DTD1: variants seen among roughly 807,000 people sequenced by gnomAD.
The protein encoded by DTD1 is D-aminoacyl-tRNA deacylase 1, also known as D-tyrosyl-tRNA deacylase 1 homolog.
A neutral mutation model predicts 25.6 loss-of-function variants in DTD1; 13 were observed. That is an observed-to-expected ratio of 0.51 (90% CI 0.33 to 0.81). The LOEUF (loss-of-function observed/expected upper bound fraction) is 0.81. Ranked by LOEUF, DTD1 falls within the 30% of genes least tolerant of loss-of-function variation. The pLI is 0.02. For synonymous variants in DTD1, 110 were observed against 103.6 expected (o/e 1.06, Z -0.37); for missense variants, 193 against 266.4 (o/e 0.72, Z 1.92).
chr20:18,593,086 CTTTT>C (rs35740726), intron 1 of DTD1, among the ~76,000 whole-genome samples: 1 of 145,548 alleles, frequency 6.9e-6, no homozygotes, highest in Non-Finnish European at 1.5e-5. Flanking sequence ...TGCTTAGAGC[CTTTT>C]TTTTTTCAAA....
intron 4 of DTD1, among the ~76,000 whole-genome samples, chr20:18,729,940 A>T (rs1322061026): frequency 1.3e-5 from 2 of 151,300 alleles, no homozygotes; most frequent in Non-Finnish European, 2.9e-5. Flanking sequence ...TGGCCTTTGT[A>T]TTTGAGCCCC....
intron 5 of DTD1, among the ~76,000 whole-genome samples, chr20:18,747,805 G>A (rs373802083): frequency 5.3e-5 from 8 of 150,618 alleles, no homozygotes; most frequent in African/African-American, 1.5e-4. Context: ...GAGGTCAAGA[G>A]ATCGAGACCA....
intron 4 of DTD1, among the ~76,000 whole-genome samples, chr20:18,725,987 G>C (rs563210632): frequency 6.6e-6 from 1 of 152,222 alleles, no homozygotes; most frequent in Non-Finnish European, 1.5e-5. Flanking sequence ...GCTGGGTACT[G>C]TGGTCAGTTC....
At chr20:18,588,343 C>T (rs2122232955) in intron 1 of DTD1, among the ~76,000 whole-genome samples, 2 of 152,170 alleles carry the variant, frequency 1.3e-5, no homozygotes, top group African/African-American at 4.8e-5. Context: ...CCGGCGCGCC[C>T]CTGGCTTCCG....
At chr20:18,712,590 A>G (rs983252683) in intron 4 of DTD1, among the ~76,000 whole-genome samples, 11 of 152,140 alleles carry the variant, frequency 7.2e-5, no homozygotes, top group African/African-American at 2.7e-4. Context: ...AAATCTTAAC[A>G]ATGGAGACAC....
chr20:18,687,382 T>C (rs1199448508), intron 4 of DTD1, among the ~76,000 whole-genome samples: 1 of 152,062 alleles, frequency 6.6e-6, no homozygotes, highest in Non-Finnish European at 1.5e-5. Flanking sequence ...AAATAGCAAG[T>C]TAAGAGGGAT....
At chr20:18,745,695 G>A (rs1215356652) in intron 5 of DTD1, among the ~76,000 whole-genome samples, 1 of 152,160 alleles carries the variant, frequency 6.6e-6, no homozygotes, top group Non-Finnish European at 1.5e-5. Context: ...ATTGCAGAAG[G>A]GTGGGAGTGT....
chr20:18,656,426 TG>T (rs1411379701), intron 4 of DTD1, among the ~76,000 whole-genome samples: 3 of 152,246 alleles, frequency 2.0e-5, no homozygotes, highest in African/African-American at 2.4e-5. Context: ...CTCCTCCATC[TG>T]TTGACTCAGG....
Position 18,648,973 on chromosome 20 carries a change from G to A in DTD1, c.477+20740G>A, listed in dbSNP as rs2060861379. Among the ~76,000 whole-genome samples, 3 of 104,888 alleles carry A rather than the reference G, an allele frequency of 2.9e-5. No homozygotes were observed. In the South Asian group the frequency reaches 9.2e-4, roughly 32 times the overall value. The allele number at this position is 104,888 out of a possible 152,430, so 68.8% of individuals were successfully genotyped here. A position where few individuals can be genotyped will look rare whatever the true frequency, so the allele number is the denominator to read the frequency against. On this transcript the variant is annotated intron_variant, in intron 4 of 5. Coordinates refer to ENST00000377452, the MANE Select transcript of DTD1 (RefSeq NM_080820.6). ...ATCGCGCCACTGCACTCCAGCCTGG[G>A]CAACAGAGAAAGACTCCATCTCAAA...
chr20:18,680,732 A>G (rs974958585), intron 4 of DTD1, among the ~76,000 whole-genome samples: 6 of 152,030 alleles, frequency 3.9e-5, no homozygotes, highest in African/African-American at 9.7e-5. Context: ...CCACACAGCT[A>G]TTTTCTTACT....
intron 4 of DTD1, among the ~76,000 whole-genome samples, chr20:18,632,918 C>T (rs752587712): frequency 6.6e-6 from 1 of 151,934 alleles, no homozygotes; most frequent in Non-Finnish European, 1.5e-5. Flanking sequence ...ATGTAAGCAC[C>T]AAGTGTCGTT....
chr20:18,688,666 T>C (rs2061027871), intron 4 of DTD1, among the ~76,000 whole-genome samples: 1 of 152,138 alleles, frequency 6.6e-6, no homozygotes, highest in South Asian at 2.1e-4. Flanking sequence ...CTTTCTATAC[T>C]AGATTGCCAA....
chr20:18,711,199 C>A (rs1330164810), intron 4 of DTD1, among the ~76,000 whole-genome samples: 2 of 152,160 alleles, frequency 1.3e-5, no homozygotes, highest in African/African-American at 4.8e-5. Context: ...TGTGTAGTTT[C>A]TTTACCTGCT....
At chr20:18,614,953 C>T (rs1000995300) in intron 3 of DTD1, among the ~76,000 whole-genome samples, 1 of 152,132 alleles carries the variant, frequency 6.6e-6, no homozygotes, top group Non-Finnish European at 1.5e-5. Flanking sequence ...CTCCCAACTT[C>T]TCATCCTTGG....
chr20:18,669,896 T>G (rs1310789565), intron 4 of DTD1, among the ~76,000 whole-genome samples: 2 of 152,148 alleles, frequency 1.3e-5, no homozygotes, highest in Non-Finnish European at 2.9e-5. Flanking sequence ...GGGGTAAAGA[T>G]CAAACTTCAG....
chr20:18,746,898 A>G (rs989519460), intron 5 of DTD1, among the ~76,000 whole-genome samples: 1 of 152,082 alleles, frequency 6.6e-6, no homozygotes, highest in Non-Finnish European at 1.5e-5. Context: ...TTTTCCTGCT[A>G]GTGTTGTGCA....
chr20:18,748,696 C>T (rs954499586), intron 5 of DTD1, among the ~76,000 whole-genome samples: 3 of 152,204 alleles, frequency 2.0e-5, no homozygotes, highest in Non-Finnish European at 4.4e-5. Flanking sequence ...TCACATTTTT[C>T]CCCAGTGTCT....
intron 5 of DTD1, among the ~76,000 whole-genome samples, chr20:18,752,028 TTA>T (rs1379249154): frequency 1.3e-5 from 2 of 152,160 alleles, no homozygotes; most frequent in Non-Finnish European, 2.9e-5. Flanking sequence ...TTGCAGTTTC[TTA>T]TGAGAAGTCC....
chr20:18,701,536 A>G (rs181859194), intron 4 of DTD1, among the ~76,000 whole-genome samples: 32 of 152,290 alleles, frequency 2.1e-4, no homozygotes, highest in Admixed American at 5.9e-4. Context: ...GGAGCAACAG[A>G]ATGCGGGTGG....
Sources: gnomAD v4.1 joint callset for allele counts (sites outside exome capture counted in the v4.1 genomes callset) on GRCh38, gnomAD v4.1.1 for gene constraint, MANE v1.5 for transcripts, NCBI Gene and HGNC (gene_info 2026-07-23, HGNC 2026-07-21) for gene names.